Variants in RAB40C observed in about 807,000 individuals in gnomAD.
RAB40C encodes the protein RAB40C, member RAS oncogene family, also known as ras-related protein Rab-40C.
Under a neutral mutation model 28.1 loss-of-function variants are expected in RAB40C, and 8 were observed. The observed-to-expected ratio is 0.28, with a 90% CI of 0.17 to 0.51. The LOEUF is 0.51. Ranked by LOEUF, RAB40C falls within the 20% of genes least tolerant of loss-of-function variation. The pLI is 0.97. For synonymous variants in RAB40C, 201 were observed against 171.7 expected (o/e 1.17, Z -1.34); for missense variants, 288 against 405.9 (o/e 0.71, Z 2.50).
chr16:594,839 A>G (rs79597513), intron 1 of RAB40C, among the ~76,000 whole-genome samples: 1 of 109,920 alleles, frequency 9.1e-6, no homozygotes. Context: ...TTTTTTTTTT[A>G]GACGAAGTCT....
intron 1 of RAB40C, among the ~76,000 whole-genome samples, chr16:593,908 G>A (rs957484309): frequency 1.3e-4 from 20 of 152,288 alleles, no homozygotes; most frequent in African/African-American, 3.9e-4. Flanking sequence ...CGAGTTACCC[G>A]GCAGGAATTA....
chr16:607,713 C>A (rs997610514), intron 1 of RAB40C, among the ~76,000 whole-genome samples: 2 of 152,180 alleles, frequency 1.3e-5, no homozygotes, highest in Non-Finnish European at 2.9e-5. Context: ...ATGGCATGAA[C>A]CCAGAAGGCG....
Position 617,135 on chromosome 16 carries a change from T to C in RAB40C, c.143-73T>C, listed in dbSNP as rs565758727. 3.7e-5 allele frequency: 56 copies of C among 1,524,094 alleles called. No individual in the cohort carries two copies. In the East Asian group the frequency reaches 1.1e-3, roughly 31 times the overall value. The allele number at this position is 1,524,094 out of a possible 1,614,324, so 94.4% of individuals were successfully genotyped here. On this transcript the variant is annotated intron_variant, in intron 1 of 5. Transcript: ENST00000248139. ...GTGGGTCTTGGCCCTGGGAGGCCAG[T>C]GGCCGAGGCTGGTCTCGCGGGCGCT... is the stretch of plus-strand genomic sequence containing the variant.
At chr16:607,724 G>A (rs554914942) in intron 1 of RAB40C, among the ~76,000 whole-genome samples, 17 of 152,328 alleles carry the variant, frequency 1.1e-4, no homozygotes, top group African/African-American at 3.6e-4. Flanking sequence ...CCAGAAGGCG[G>A]AGCTTGCAGT....
intron 3 of RAB40C, among the ~76,000 whole-genome samples, chr16:623,190 C>G (rs2036757177): frequency 6.6e-6 from 1 of 152,242 alleles, no homozygotes. Context: ...GGAGGCGGGC[C>G]TTCTGCTCTC....
chr16:595,443 C>T lies in RAB40C; in HGVS notation c.142+5010C>T, dbSNP rs199734843. Among the ~76,000 whole-genome samples the T allele has an allele frequency of 4.6e-5, 7 of 152,274 alleles. No homozygotes were observed. The South Asian group carries it at 1.2e-3, about 27-fold the overall frequency. On this transcript the variant is annotated intron_variant, in intron 1 of 5. Coordinates refer to ENST00000248139, the MANE Select transcript of RAB40C (RefSeq NM_021168.5). ...CCTCACGTCCACCTGGGCCTGGGGA[C>T]GGCTGCCACACACCTGCTTCTGCTG...
chr16:621,500 G>A (rs538701536), intron 3 of RAB40C, among the ~76,000 whole-genome samples: 120 of 152,386 alleles, frequency 7.9e-4, no homozygotes, highest in African/African-American at 2.8e-3. Flanking sequence ...CCCCGCTGCC[G>A]TCACCTGTCA....
At chr16:625,138 G>C in intron 3 of RAB40C, 1 of 1,357,232 alleles carries the variant, frequency 7.4e-7, no homozygotes, top group Non-Finnish European at 9.7e-7. Flanking sequence ...CCCCGCATCT[G>C]CCTGCCCAGG....
chr16:589,854 G>C (rs2035949799), upstream of RAB40C: 1 of 152,280 alleles, frequency 6.6e-6, no homozygotes, highest in African/African-American at 2.4e-5. Flanking sequence ...GTGCAGACAG[G>C]CCAATGGCTG....
At chr16:605,680 G>C (rs2036346826) in intron 1 of RAB40C, among the ~76,000 whole-genome samples, 1 of 152,206 alleles carries the variant, frequency 6.6e-6, no homozygotes, top group African/African-American at 2.4e-5. Context: ...CAAGGCTGCA[G>C]TGCATTGGCT....
At chr16:615,198 A>C (rs1271347266) in intron 1 of RAB40C, among the ~76,000 whole-genome samples, 1 of 152,158 alleles carries the variant, frequency 6.6e-6, no homozygotes, top group African/African-American at 2.4e-5. Context: ...TTTTCTGTCC[A>C]TTGATGGTGT....
intron 1 of RAB40C, among the ~76,000 whole-genome samples, chr16:613,303 CAA>C (rs1252014652): frequency 8.6e-5 from 13 of 151,576 alleles, no homozygotes; most frequent in South Asian, 6.3e-4. Flanking sequence ...CTTGTAGAAT[CAA>C]GAGCAGGGAC....
At chr16:603,385 C>T (rs1431820250) in intron 1 of RAB40C, among the ~76,000 whole-genome samples, 1 of 152,154 alleles carries the variant, frequency 6.6e-6, no homozygotes, top group Non-Finnish European at 1.5e-5. Flanking sequence ...CGTGGGCTGT[C>T]CTTGTCTCAG....
intron 1 of RAB40C, among the ~76,000 whole-genome samples, chr16:592,933 A>G (rs895760357): frequency 6.6e-6 from 1 of 152,192 alleles, no homozygotes; most frequent in Non-Finnish European, 1.5e-5. Context: ...GTATTGTGTA[A>G]GACGTGGAGA....
intron 1 of RAB40C, chr16:616,692 C>G (rs1301714354): frequency 6.5e-6 from 1 of 154,122 alleles, no homozygotes; most frequent in Non-Finnish European, 1.4e-5. Context: ...CTTGGCAGTT[C>G]CTGGGCTGCA....
chr16:622,393 C>T (rs1010638301), intron 3 of RAB40C, among the ~76,000 whole-genome samples: 4 of 151,582 alleles, frequency 2.6e-5, no homozygotes, highest in South Asian at 2.1e-4. Context: ...GAGGCATGAG[C>T]GGCACCGTGG....
At chr16:607,607 C>T (rs942220154) in intron 1 of RAB40C, among the ~76,000 whole-genome samples, 11 of 150,638 alleles carry the variant, frequency 7.3e-5, no homozygotes, top group South Asian at 2.1e-4. Flanking sequence ...ATGGAGACCA[C>T]GGTGAAACCC....
At chr16:600,388 A>G (rs2036223873) in intron 1 of RAB40C, among the ~76,000 whole-genome samples, 2 of 152,252 alleles carry the variant, frequency 1.3e-5, no homozygotes, top group Admixed American at 1.3e-4. Context: ...GCAAGTGCAA[A>G]GTGTAAGTAA....
intron 1 of RAB40C, among the ~76,000 whole-genome samples, chr16:608,166 A>G (rs895348239): frequency 1.3e-5 from 2 of 152,236 alleles, no homozygotes; most frequent in Non-Finnish European, 2.9e-5. Context: ...ATTTACAGTC[A>G]TGGCGGAAGG....
Sources: allele counts gnomAD v4.1 joint callset (sites outside exome capture counted in the v4.1 genomes callset), GRCh38; gene constraint gnomAD v4.1.1; transcripts MANE v1.5; gene names NCBI Gene and HGNC (gene_info 2026-07-23, HGNC 2026-07-21).